Variants in RYR2 observed in about 807,000 individuals in gnomAD.
RYR2 encodes cardiac muscle ryanodine receptor-calcium release channel.
A neutral mutation model predicts 601.1 loss-of-function variants in RYR2; 227 were observed. The observed-to-expected ratio is 0.38, with a 90% CI of 0.34 to 0.42. The LOEUF is 0.42. Ranked by LOEUF, RYR2 falls within the 10% of genes least tolerant of loss-of-function variation. The pLI is 1.00. For synonymous variants in RYR2, 2,223 were observed against 2,175.1 expected, an observed-to-expected ratio of 1.02 and a Z score of -0.61; for missense variants, 4,646 against 6,156.5, an observed-to-expected ratio of 0.75 and a Z score of 8.21.
chr1:237,716,902 A>C (rs540085336), intron 71 of RYR2, among the ~76,000 whole-genome samples: 6 of 152,140 alleles, frequency 3.9e-5, no homozygotes, highest in Non-Finnish European at 4.4e-5. Flanking sequence ...ATTACTATAG[A>C]ATTTTTTATA....
In RYR2 at chr1:237,639,176, C is replaced by G; in HGVS notation, c.7090C>G (p.Pro2364Ala). 1 of 1,613,438 alleles carries G rather than the reference C, an allele frequency of 6.2e-7. No individual in the cohort carries two copies. Among genetic ancestry groups the G allele is most frequent in the Non-Finnish European group, 8.5e-7 (1 of 1,179,522 alleles). Reference protein sequence around the residue: ...AEDPSRDGPSPNSGSSKTLDT... With the variant: ...AEDPSRDGPSANSGSSKTLDT... The stretch of plus-strand genomic sequence containing the variant: ...GGATCCTTCCCGAGATGGTCCCTCA[C>G]CAAATAGCGGATCCAGTAAAACACT... The change falls in exon 46 of 105, where the codon CCA becomes GCA. Residue 2364 changes from proline to alanine, a missense_variant. By Grantham distance (27) the Pro-to-Ala change is conservative. Around this residue, in one of 17 missense-constraint regions of RYR2, gnomAD observed 1,497 missense variants for 1,842.6 expected, o/e 0.81. Coordinates refer to ENST00000366574, the MANE Select transcript of RYR2 (RefSeq NM_001035.3).
At chr1:237,044,613 T>C (rs1048704599) in intron 1 of RYR2, among the ~76,000 whole-genome samples, 3 of 150,182 alleles carry the variant, frequency 2.0e-5, no homozygotes, top group Non-Finnish European at 4.4e-5. Context: ...ACAAATGACC[T>C]TGAAGGAGGT....
In RYR2 at chr1:237,614,920, C is replaced by G; in HGVS notation, c.5715+77C>G. On this transcript the variant is annotated intron_variant, in intron 37 of 104. Coordinates refer to ENST00000366574, the MANE Select transcript of RYR2 (RefSeq NM_001035.3). The surrounding 1 kb of genome is among the most constrained non-coding windows in gnomAD (Gnocchi z 4.3). The stretch of plus-strand genomic sequence containing the variant: ...TATTAGAACATGCCTTTGTTTCTTT[C>G]TCTGTGTGTGTGTTTATTTCTTTGC... 13 of 1,375,898 alleles carry G rather than the reference C, an allele frequency of 9.4e-6. No homozygotes were observed. The highest frequency in any genetic ancestry group is 1.3e-5 in the Non-Finnish European group (13 of 1,022,542). 85.2% of individuals were successfully genotyped at this position (1,375,898 alleles called of 1,614,324 possible). A position where few individuals can be genotyped will look rare whatever the true frequency, so the allele number is the denominator to read the frequency against.
rs115957075 is a variant in RYR2, at chr1:237,687,988, G to A, written c.9067+484G>A. Among the ~76,000 whole-genome samples the A allele has an allele frequency of 3.3e-3, 498 of 152,164 alleles. 2 individuals carry two copies. The highest frequency in any genetic ancestry group is 0.011 in the African/African-American group (471 of 41,510). On this transcript the variant is annotated intron_variant, in intron 63 of 104. Transcript: ENST00000366574. ...CAAGACACTGAAGCCAAGGAGCTTCGGAGCTTCACTTGGCAAGAGTGGCTT... is the reference window on the plus strand; with the variant it reads ...CAAGACACTGAAGCCAAGGAGCTTCAGAGCTTCACTTGGCAAGAGTGGCTT...
At chr1:237,457,316 C>T (rs926360226) in intron 16 of RYR2, among the ~76,000 whole-genome samples, 14 of 152,110 alleles carry the variant, frequency 9.2e-5, no homozygotes, top group South Asian at 2.1e-4. Context: ...ATTGATTAAG[C>T]GACAGTTGCT....
At chr1:237,054,192 C>G (rs1257036944) in intron 1 of RYR2, among the ~76,000 whole-genome samples, 1 of 148,922 alleles carries the variant, frequency 6.7e-6, no homozygotes, top group Non-Finnish European at 1.5e-5. Flanking sequence ...TCCCTCCCTT[C>G]TTCCCTTCTT....
At chr1:237,210,842 T>C (rs1682491852) in intron 1 of RYR2, among the ~76,000 whole-genome samples, 1 of 152,202 alleles carries the variant, frequency 6.6e-6, no homozygotes, top group African/African-American at 2.4e-5. Flanking sequence ...TTCAGGGTGA[T>C]TCCTCAGGGA....
At chr1:237,401,133 A>T (rs1465934671) in intron 10 of RYR2, among the ~76,000 whole-genome samples, 3 of 152,204 alleles carry the variant, frequency 2.0e-5, no homozygotes, top group Non-Finnish European at 4.4e-5. Context: ...TTCTGCAAGA[A>T]GCAAAAGTAA....
chr1:237,529,866 T>A (rs934156772), intron 24 of RYR2, among the ~76,000 whole-genome samples: 1 of 151,784 alleles, frequency 6.6e-6, no homozygotes, highest in Non-Finnish European at 1.5e-5. Context: ...TAACAATTGA[T>A]GCCTTTAGAG....
At chr1:237,822,191 C>T (rs896403454) in intron 101 of RYR2, among the ~76,000 whole-genome samples, 1 of 152,064 alleles carries the variant, frequency 6.6e-6, no homozygotes, top group East Asian at 1.9e-4. Context: ...AAAGATACTC[C>T]TAGAGAAGAG....
At chr1:237,813,336 A>G (rs1661449878) in intron 100 of RYR2, among the ~76,000 whole-genome samples, 1 of 152,222 alleles carries the variant, frequency 6.6e-6, no homozygotes, top group South Asian at 2.1e-4. Context: ...ATGTATTCCT[A>G]AAGGCTATGA....
At chr1:237,352,094 A>G (rs1450914316) in intron 3 of RYR2, among the ~76,000 whole-genome samples, 1 of 151,986 alleles carries the variant, frequency 6.6e-6, no homozygotes, top group Non-Finnish European at 1.5e-5. Flanking sequence ...ACACCTATTC[A>G]TTGTAATATT....
intron 1 of RYR2, among the ~76,000 whole-genome samples, chr1:237,269,396 C>A (rs2149343227): frequency 6.6e-6 from 1 of 152,184 alleles, no homozygotes; most frequent in South Asian, 2.1e-4. Context: ...AACTTGCCGT[C>A]TGCTTTTGAG....
chr1:237,287,543 A>G (rs1416682362), intron 2 of RYR2, among the ~76,000 whole-genome samples: 1 of 152,154 alleles, frequency 6.6e-6, no homozygotes, highest in Non-Finnish European at 1.5e-5. Flanking sequence ...GACTGGCTTA[A>G]TTCGAAGACC....
chr1:237,733,608 T>C, intron 78 of RYR2, 97 bp from the exon 79 acceptor site: 1 of 785,118 alleles, frequency 1.3e-6, no homozygotes, highest in Non-Finnish European at 2.2e-6. Context: ...GTATACTTGT[T>C]AGAAAAAGAA....
At chr1:237,428,232 C>T (rs544655942) in intron 12 of RYR2, among the ~76,000 whole-genome samples, 9 of 152,194 alleles carry the variant, frequency 5.9e-5, no homozygotes, top group African/African-American at 1.9e-4. Flanking sequence ...ACAATTTGAC[C>T]CAGCGATCCC....
intron 1 of RYR2, among the ~76,000 whole-genome samples, chr1:237,121,526 A>T (rs911097897): frequency 6.6e-6 from 1 of 152,242 alleles, no homozygotes; most frequent in African/African-American, 2.4e-5. Context: ...TGGTTTCCTG[A>T]TCCAGATTAA....
chr1:237,730,030 T>C (rs1329379951), intron 76 of RYR2, among the ~76,000 whole-genome samples: 1 of 152,164 alleles, frequency 6.6e-6, no homozygotes, highest in Non-Finnish European at 1.5e-5. Context: ...TCGAGTCACT[T>C]GACCAATGTT....
intron 51 of RYR2, among the ~76,000 whole-genome samples, chr1:237,653,401 T>G (rs949958202): frequency 1.3e-5 from 2 of 152,172 alleles, no homozygotes; most frequent in Admixed American, 6.5e-5. Context: ...TCCAAGATAT[T>G]AATAACAATT....
Sources: allele counts gnomAD v4.1 joint callset (sites outside exome capture counted in the v4.1 genomes callset), GRCh38; gene constraint gnomAD v4.1.1; regional missense constraint gnomAD v4.1.1; non-coding constraint Gnocchi (gnomAD v3.1); transcripts MANE v1.5; gene names NCBI Gene and HGNC (gene_info 2026-07-23, HGNC 2026-07-21).